The following TMEM38B variants were observed in gnomAD, a reference collection of about 807,000 sequenced individuals.
The protein encoded by TMEM38B is trimeric intracellular cation channel type B.
Under a neutral mutation model 28.7 loss-of-function variants are expected in TMEM38B, and 24 were observed. The observed-to-expected ratio is 0.84, with a 90% CI of 0.61 to 1.18. The LOEUF (loss-of-function observed/expected upper bound fraction) is 1.18. Ranked by LOEUF, TMEM38B falls within the 50% of genes most tolerant of loss-of-function variation. TMEM38B has a pLI of 0.00. For synonymous variants in TMEM38B, 131 were observed against 127.7 expected (o/e 1.03, Z -0.17); for missense variants, 380 against 350.9 (o/e 1.08, Z -0.66).
intron 1 of TMEM38B, among the ~76,000 whole-genome samples, chr9:105,699,370 C>T (rs184106194): frequency 5.6e-4 from 85 of 152,300 alleles, no homozygotes; most frequent in African/African-American, 1.9e-3. Context: ...CTGTAATTCT[C>T]ATATATCCTA....
chr9:105,699,160 T>C (rs2133543539), intron 1 of TMEM38B, among the ~76,000 whole-genome samples: 1 of 152,292 alleles, frequency 6.6e-6, no homozygotes, highest in East Asian at 1.9e-4. Context: ...GTAGATGGAG[T>C]GAGTAGCTTG....
At chr9:105,697,826 G>C (rs1835338314) in intron 1 of TMEM38B, among the ~76,000 whole-genome samples, 1 of 151,866 alleles carries the variant, frequency 6.6e-6, no homozygotes, top group South Asian at 2.1e-4. Flanking sequence ...TTTTAAGAAG[G>C]GGTTTCTCAG....
chr9:105,773,356 C>T (rs1826621219), intron 5 of TMEM38B, among the ~76,000 whole-genome samples: 1 of 152,102 alleles, frequency 6.6e-6, no homozygotes, highest in South Asian at 2.1e-4. Context: ...TGATGATAGT[C>T]AGTGTATTTA....
chr9:105,758,728 A>G, intron 5 of TMEM38B: 4 of 733,422 alleles, frequency 5.5e-6, no homozygotes, highest in East Asian at 5.2e-5. Flanking sequence ...AAAGATAAAG[A>G]TAGTATTTTT....
chr9:105,703,703 G>A (rs1253072752), intron 1 of TMEM38B, among the ~76,000 whole-genome samples: 1 of 151,822 alleles, frequency 6.6e-6, no homozygotes, highest in East Asian at 1.9e-4. Flanking sequence ...ATCCTCTCCA[G>A]CACCTGTTGT....
At chr9:105,754,075 T>C (rs930016881) in intron 5 of TMEM38B, among the ~76,000 whole-genome samples, 2 of 152,080 alleles carry the variant, frequency 1.3e-5, no homozygotes, top group African/African-American at 4.8e-5. Context: ...AAGAAGTGCA[T>C]TGCATAATGG....
chr9:105,736,269 A>G (rs1381412544), intron 4 of TMEM38B, among the ~76,000 whole-genome samples: 1 of 152,078 alleles, frequency 6.6e-6, no homozygotes, highest in Non-Finnish European at 1.5e-5. Flanking sequence ...GTGTCCTATA[A>G]GTCCCATAGG....
chr9:105,765,130 T>C (rs955429451), intron 5 of TMEM38B, among the ~76,000 whole-genome samples: 5 of 152,236 alleles, frequency 3.3e-5, no homozygotes, highest in African/African-American at 1.2e-4. Context: ...CCAAATTGAA[T>C]TCTTTCTAAG....
intron 4 of TMEM38B, among the ~76,000 whole-genome samples, chr9:105,745,495 A>T (rs913124159): frequency 2.6e-5 from 4 of 151,980 alleles, no homozygotes; most frequent in Non-Finnish European, 4.4e-5. Context: ...TAGCCCTTTG[A>T]CAGATAAGTA....
At chr9:105,755,379 A>G (rs1032016494) in intron 5 of TMEM38B, among the ~76,000 whole-genome samples, 10 of 152,224 alleles carry the variant, frequency 6.6e-5, no homozygotes, top group African/African-American at 1.9e-4. Flanking sequence ...TGATCTGTGC[A>G]GCAGTCCATC....
intron 4 of TMEM38B, among the ~76,000 whole-genome samples, chr9:105,740,911 A>C (rs1298452443): frequency 6.6e-6 from 1 of 152,232 alleles, no homozygotes; most frequent in Non-Finnish European, 1.5e-5. Context: ...AGTAAGACTG[A>C]ACAATGGTTT....
At chr9:105,709,999 A>G (rs1251048931) in intron 2 of TMEM38B, among the ~76,000 whole-genome samples, 1 of 152,200 alleles carries the variant, frequency 6.6e-6, no homozygotes, top group Non-Finnish European at 1.5e-5. Context: ...ATATACGCTT[A>G]TTCATATTTA....
intron 5 of TMEM38B, among the ~76,000 whole-genome samples, chr9:105,752,838 T>C (rs954001226): frequency 6.6e-6 from 1 of 152,124 alleles, no homozygotes; most frequent in African/African-American, 2.4e-5. Context: ...TTGACAAAAG[T>C]AGGCTTCAGA....
chr9:105,736,557 T>C (rs1411129214), intron 4 of TMEM38B, among the ~76,000 whole-genome samples: 1 of 152,244 alleles, frequency 6.6e-6, no homozygotes. Flanking sequence ...TCACTGAGTT[T>C]CCTTAAGATC....
At chr9:105,703,975 C>G (rs1170523107) in intron 1 of TMEM38B, among the ~76,000 whole-genome samples, 1 of 151,090 alleles carries the variant, frequency 6.6e-6, no homozygotes, top group African/African-American at 2.4e-5. Flanking sequence ...AGTAAACTAT[C>G]GCAAGAACAA....
chr9:105,760,874 T>C lies in TMEM38B; in HGVS notation c.660+12684T>C, dbSNP rs1838019035. On this transcript the variant is annotated intron_variant, in intron 5 of 5. Coordinates refer to ENST00000374692, the MANE Select transcript of TMEM38B (RefSeq NM_018112.3). ...GGTATTTCTAAATAAGCACATTATGTAAGGAAGTACCAAAATAGTTGTTTA... is the reference window on the plus strand; with the variant it reads ...GGTATTTCTAAATAAGCACATTATGCAAGGAAGTACCAAAATAGTTGTTTA... 8.8e-6 allele frequency: 5 copies of C among 568,658 alleles called. No homozygotes were observed. The South Asian group carries it at 1.1e-4, about 12-fold the overall frequency. 35.2% of individuals were successfully genotyped at this position (568,658 alleles called of 1,614,324 possible).
chr9:105,763,423 A>G (rs1838140874), intron 5 of TMEM38B, among the ~76,000 whole-genome samples: 1 of 152,154 alleles, frequency 6.6e-6, no homozygotes, highest in African/African-American at 2.4e-5. Context: ...CCACAGAAAT[A>G]CAAACTACCA....
intron 4 of TMEM38B, among the ~76,000 whole-genome samples, chr9:105,736,759 T>C (rs1836998194): frequency 6.6e-6 from 1 of 152,242 alleles, no homozygotes; most frequent in African/African-American, 2.4e-5. Flanking sequence ...GTGGTTTTCA[T>C]AGGGAAAGGC....
At chr9:105,709,904 A>G (rs1388386872) in intron 2 of TMEM38B, among the ~76,000 whole-genome samples, 12 of 152,240 alleles carry the variant, frequency 7.9e-5, no homozygotes, top group Admixed American at 5.9e-4. Context: ...CAACAGAGGC[A>G]CTGTAAGAGA....
Sources: allele counts gnomAD v4.1 joint callset (sites outside exome capture counted in the v4.1 genomes callset), GRCh38; gene constraint gnomAD v4.1.1; transcripts MANE v1.5; gene names NCBI Gene and HGNC (gene_info 2026-07-23, HGNC 2026-07-21).